The following PAX7 variants were observed in gnomAD, a reference collection of about 807,000 sequenced individuals.
The protein encoded by PAX7 is paired box 7.
In PAX7, 18 loss-of-function variants were observed where a neutral mutation model predicts 50.7. The ratio of observed to expected loss-of-function variants is 0.36; its 90% CI spans 0.25 to 0.53. The LOEUF (loss-of-function observed/expected upper bound fraction) is 0.53. PAX7 is among the 20% of genes least tolerant of loss of function. PAX7 has a pLI of 0.93. For missense variants in PAX7, 644 were observed against 702.9 expected, an observed-to-expected ratio of 0.92 and a Z score of 0.95; for synonymous variants, 310 against 290.4, an observed-to-expected ratio of 1.07 and a Z score of -0.69.
At chr1:18,728,754 A>T (rs1285009913) in intron 7 of PAX7, among the ~76,000 whole-genome samples, 1 of 139,580 alleles carries the variant, frequency 7.2e-6, no homozygotes, top group African/African-American at 2.7e-5. Context: ...AATCCCAGCT[A>T]CTCAGGAGGC....
intron 5 of PAX7, 105 bp downstream of exon 5, chr1:18,692,058 C>A: frequency 9.6e-7 from 1 of 1,042,072 alleles, no homozygotes; most frequent in Non-Finnish European, 1.4e-6. Flanking sequence ...GGGGGGTTTA[C>A]AACAGGTTCA....
At chr1:18,655,673 G>A (rs1194641096) in intron 4 of PAX7, among the ~76,000 whole-genome samples, 2 of 152,076 alleles carry the variant, frequency 1.3e-5, no homozygotes, top group African/African-American at 4.8e-5. Context: ...ACTTGACCAG[G>A]TTCCCCCTCC....
intron 6 of PAX7, among the ~76,000 whole-genome samples, chr1:18,702,271 G>A (rs146744101): frequency 3.3e-5 from 5 of 152,080 alleles, no homozygotes; most frequent in African/African-American, 1.2e-4. Context: ...CCCGGGAGGC[G>A]GAGGTTGCAC....
intron 4 of PAX7, among the ~76,000 whole-genome samples, chr1:18,654,082 GA>G (rs1326226241): frequency 3.3e-5 from 5 of 152,064 alleles, no homozygotes; most frequent in African/African-American, 1.2e-4. Context: ...CTGCAGCCCT[GA>G]ACAATGGCAA....
intron 7 of PAX7, among the ~76,000 whole-genome samples, chr1:18,706,810 G>C (rs1340680146): frequency 1.3e-5 from 2 of 152,126 alleles, no homozygotes; most frequent in Admixed American, 1.3e-4. Context: ...AGAAGCCAAA[G>C]GGGCTTACAC....
At chr1:18,702,345 A>T (rs1262682290) in intron 6 of PAX7, among the ~76,000 whole-genome samples, 1 of 152,102 alleles carries the variant, frequency 6.6e-6, no homozygotes, top group Non-Finnish European at 1.5e-5. Flanking sequence ...TCTCAAAAAA[A>T]AAATTAAATT....
chr1:18,664,065 C>T (rs1466554192), intron 4 of PAX7, among the ~76,000 whole-genome samples: 1 of 152,248 alleles, frequency 6.6e-6, no homozygotes, highest in African/African-American at 2.4e-5. Flanking sequence ...TTGAAACTCA[C>T]AGCTCTCCCA....
At chr1:18,734,540 A>T (rs957722523) in intron 7 of PAX7, among the ~76,000 whole-genome samples, 1 of 151,722 alleles carries the variant, frequency 6.6e-6, no homozygotes, top group African/African-American at 2.4e-5. Flanking sequence ...TCCCAGTCCC[A>T]CCCCAGGAAA....
At chr1:18,706,144 C>T (rs2089280484) in intron 7 of PAX7, among the ~76,000 whole-genome samples, 1 of 152,196 alleles carries the variant, frequency 6.6e-6, no homozygotes, top group Non-Finnish European at 1.5e-5. Context: ...CCTCCTCACT[C>T]TGGGCAGGTG....
Position 18,707,716 on chromosome 1 carries a change from C to T in PAX7, c.1155+4420C>T, listed in dbSNP as rs533778660. On this transcript the variant is annotated intron_variant, in intron 7 of 8. Transcript: ENST00000420770. Reference sequence around the variant, plus strand: ...TTAGGATTACAGGCATGAGCCACTGCGCCTGGCCTAGAGCCTGAATCTTAG... The same window carrying T: ...TTAGGATTACAGGCATGAGCCACTGTGCCTGGCCTAGAGCCTGAATCTTAG... Among the ~76,000 whole-genome samples, 18 of 152,256 alleles carry T rather than the reference C, an allele frequency of 1.2e-4. No homozygotes were observed. In the East Asian group the frequency reaches 2.9e-3, roughly 25 times the overall value.
chr1:18,666,782 G>T (rs113756947), intron 4 of PAX7, among the ~76,000 whole-genome samples: 119 of 152,326 alleles, frequency 7.8e-4, no homozygotes, highest in African/African-American at 2.7e-3. Context: ...CTTTGAAAGT[G>T]AATTATTTGA....
At chr1:18,691,579 T>C (rs967289179) in intron 4 of PAX7, among the ~76,000 whole-genome samples, 175 bp from the exon 5 acceptor site, 2 of 152,196 alleles carry the variant, frequency 1.3e-5, no homozygotes, top group African/African-American at 4.8e-5. Context: ...TCCTTCACAT[T>C]GATAAACAAT....
At chr1:18,689,014 G>T (rs1020344519) in intron 4 of PAX7, among the ~76,000 whole-genome samples, 1 of 152,202 alleles carries the variant, frequency 6.6e-6, no homozygotes, top group African/African-American at 2.4e-5. Flanking sequence ...GGTAGGGCCT[G>T]TGTCTGCCCT....
chr1:18,671,844 G>A (rs1200033419), intron 4 of PAX7, among the ~76,000 whole-genome samples: 1 of 151,864 alleles, frequency 6.6e-6, no homozygotes, highest in Non-Finnish European at 1.5e-5. Flanking sequence ...AGGCATGGTG[G>A]TGCCCACCTG....
At chr1:18,703,902 G>A (rs764289) in intron 7 of PAX7, among the ~76,000 whole-genome samples, 14,913 of 152,252 alleles carry the variant, frequency 0.098, 959 homozygotes, top group East Asian at 0.32. Flanking sequence ...AGTGAAGCCT[G>A]TGGAATGGGT....
chr1:18,672,687 C>T (rs1351608750), intron 4 of PAX7, among the ~76,000 whole-genome samples: 1 of 150,302 alleles, frequency 6.7e-6, no homozygotes, highest in African/African-American at 2.5e-5. Context: ...CTCACTGCAA[C>T]CTCCGCCTCC....
At position 18,712,344 on chromosome 1, in the gene PAX7, C is replaced by T. The variant is rs1346126248; in HGVS notation, c.1155+9048C>T. Among the ~76,000 whole-genome samples the T allele has an allele frequency of 2.6e-5, 4 of 152,230 alleles. No individual in the cohort carries two copies. The East Asian group carries it at 7.7e-4, about 29-fold the overall frequency. Reference sequence around the variant, plus strand: ...GGCAGCTCCTCACCAAACAAAACCACCTGCTCAAGTCCATCAGAGGCCTCA... The same window carrying T: ...GGCAGCTCCTCACCAAACAAAACCATCTGCTCAAGTCCATCAGAGGCCTCA... On this transcript the variant is annotated intron_variant, in intron 7 of 8. Transcript: ENST00000420770.
In PAX7 at chr1:18,746,264, C is replaced by T; in HGVS notation, c.*1335C>T. On this transcript the variant is annotated 3_prime_UTR_variant, in exon 9 of 9. Transcript: ENST00000420770. ...GTCCCTGCCTCCTGATCCGGCACAG[C>T]TGAGCTGAGGCAGATGTGACCAGTT... 1 of 230,334 alleles carries T rather than the reference C, an allele frequency of 4.3e-6. No individual in the cohort carries two copies. The allele number at this position is 230,334 out of a possible 1,614,324, so 14.3% of individuals were successfully genotyped here. A position where few individuals can be genotyped will look rare whatever the true frequency, so the allele number is the denominator to read the frequency against.
At chr1:18,667,388 GAGA>G (rs1461426809) in intron 4 of PAX7, among the ~76,000 whole-genome samples, 3 of 115,620 alleles carry the variant, frequency 2.6e-5, no homozygotes, top group Non-Finnish European at 5.4e-5. Context: ...GAGAAGGAAG[GAGA>G]AAGGAAGGAA....
Sources: allele counts gnomAD v4.1 joint callset (sites outside exome capture counted in the v4.1 genomes callset), GRCh38; gene constraint gnomAD v4.1.1; transcripts MANE v1.5; gene names NCBI Gene and HGNC (gene_info 2026-07-23, HGNC 2026-07-21).